Variants in B4GALT6 observed in about 807,000 individuals in gnomAD.
B4GALT6 encodes UDP-Gal:beta-GlcNAc beta-1,4-galactosyltransferase 6.
In B4GALT6, 14 loss-of-function variants were observed where a neutral mutation model predicts 46.3. The observed-to-expected ratio is 0.30, with a 90% CI of 0.20 to 0.47. The LOEUF (loss-of-function observed/expected upper bound fraction) is 0.47. Among genes scored for constraint, B4GALT6 ranks in the 20% least tolerant of loss-of-function variants. The probability of loss-of-function intolerance (pLI) is 0.99; values close to 1 mark genes in which losing one functional copy is unlikely to be tolerated. For synonymous variants in B4GALT6, 168 were observed against 162.0 expected, an observed-to-expected ratio of 1.04 and a Z score of -0.28; for missense variants, 386 against 480.1, an observed-to-expected ratio of 0.80 and a Z score of 1.83.
chr18:31,651,914 G>A lies in B4GALT6; in HGVS notation c.346+6062C>T, dbSNP rs145320359. On this transcript the variant is annotated intron_variant, in intron 3 of 8. Transcript: ENST00000306851. ...GCCTCCCCAGTAGCTGGGACTTCAG[G>A]CGCCCGCCACCACGCCCAGCTAATT... Among the ~76,000 whole-genome samples, 376 of 152,206 alleles carry A rather than the reference G, an allele frequency of 2.5e-3. 3 individuals carry two copies. The highest frequency in any genetic ancestry group is 8.5e-3 in the African/African-American group (352 of 41,518).
chr18:31,723,022 A>C, the B4GALT6 span, among the ~76,000 whole-genome samples: 10 of 152,368 alleles, frequency 6.6e-5, no homozygotes, highest in East Asian at 1.9e-3. Context: ...CAGAAAAGAC[A>C]TGTTTTCACT....
At chr18:31,707,252 A>G in the B4GALT6 span, among the ~76,000 whole-genome samples, 4 of 134,528 alleles carry the variant, frequency 3.0e-5, no homozygotes, top group Non-Finnish European at 6.3e-5. Flanking sequence ...TTTTTTTAAC[A>G]TTTAATGACT....
At chr18:31,710,792 TCTA>T in the B4GALT6 span, among the ~76,000 whole-genome samples, 1 of 134,344 alleles carries the variant, frequency 7.4e-6, no homozygotes, top group Non-Finnish European at 1.7e-5. Context: ...AAAATACTAA[TCTA>T]CTCAGTTTCC....
At chr18:31,712,287 ATT>A in the B4GALT6 span, among the ~76,000 whole-genome samples, 3 of 84,626 alleles carry the variant, frequency 3.5e-5, no homozygotes, top group East Asian at 3.7e-4. Flanking sequence ...CTGGGACGTT[ATT>A]TTTTTTTTTT....
chr18:31,706,089 T>C, the B4GALT6 span, among the ~76,000 whole-genome samples: 1 of 152,264 alleles, frequency 6.6e-6, no homozygotes, highest in African/African-American at 2.4e-5. Flanking sequence ...ACATAGTAAA[T>C]GTTCAATAAA....
upstream of B4GALT6, among the ~76,000 whole-genome samples, chr18:31,688,755 A>G (rs2030012958): frequency 6.6e-6 from 1 of 152,152 alleles, no homozygotes; most frequent in Admixed American, 6.6e-5. Flanking sequence ...AGGAAGCCAA[A>G]GCTCGGGAGG....
chr18:31,702,873 A>AG, the B4GALT6 span, among the ~76,000 whole-genome samples: 1 of 152,124 alleles, frequency 6.6e-6, no homozygotes, highest in Non-Finnish European at 1.5e-5. Context: ...GTGGATATGG[A>AG]GGGGAAATGG....
chr18:31,693,162 A>C, the B4GALT6 span, among the ~76,000 whole-genome samples: 1 of 152,214 alleles, frequency 6.6e-6, no homozygotes, highest in Non-Finnish European at 1.5e-5. Flanking sequence ...TTGGAAGTCA[A>C]TGCATATAAA....
At chr18:31,646,362 A>G (rs2073991219) in intron 3 of B4GALT6, among the ~76,000 whole-genome samples, 1 of 152,228 alleles carries the variant, frequency 6.6e-6, no homozygotes, top group African/African-American at 2.4e-5. Context: ...CGTTAACCCC[A>G]AAAGAGAACT....
At chr18:31,714,345 T>C in the B4GALT6 span, among the ~76,000 whole-genome samples, 1 of 152,152 alleles carries the variant, frequency 6.6e-6, no homozygotes, top group Non-Finnish European at 1.5e-5. Flanking sequence ...CAGCTTGCAC[T>C]AGAACGCTAA....
chr18:31,703,303 G>T, the B4GALT6 span, among the ~76,000 whole-genome samples: 1 of 152,152 alleles, frequency 6.6e-6, no homozygotes, highest in East Asian at 1.9e-4. Context: ...CAGAAAATGT[G>T]GGGTAGCTGG....
chr18:31,714,351 G>A, the B4GALT6 span, among the ~76,000 whole-genome samples: 4 of 152,266 alleles, frequency 2.6e-5, no homozygotes, highest in South Asian at 6.2e-4. Context: ...GCACTAGAAC[G>A]CTAAAGTTAC....
At chr18:31,689,865 A>G (rs541421507), upstream of B4GALT6, among the ~76,000 whole-genome samples, 179 of 152,168 alleles carry the variant, frequency 1.2e-3, no homozygotes, top group Non-Finnish European at 2.2e-3. Context: ...CACCTTAGGT[A>G]TTGTGCATAC....
chr18:31,635,512 A>G (rs996659762), intron 5 of B4GALT6, among the ~76,000 whole-genome samples: 2 of 152,234 alleles, frequency 1.3e-5, no homozygotes, highest in African/African-American at 4.8e-5. Flanking sequence ...ATGTTATATT[A>G]AATACCAAGC....
chr18:31,685,241 G>A (rs1009900387), upstream of B4GALT6, among the ~76,000 whole-genome samples: 1 of 150,904 alleles, frequency 6.6e-6, no homozygotes, highest in African/African-American at 2.4e-5. Context: ...CGCGCGCCCG[G>A]GGTGAGGCGC....
At chr18:31,647,469 C>G (rs1175229353) in intron 3 of B4GALT6, among the ~76,000 whole-genome samples, 1 of 152,090 alleles carries the variant, frequency 6.6e-6, no homozygotes, top group Non-Finnish European at 1.5e-5. Flanking sequence ...GGGTTGTGCA[C>G]CTCCCCCACC....
At chr18:31,643,352 G>A (rs868622541) in intron 4 of B4GALT6, among the ~76,000 whole-genome samples, 6 of 152,242 alleles carry the variant, frequency 3.9e-5, no homozygotes, top group East Asian at 1.9e-4. Context: ...AGGCTAGAGC[G>A]CAGTGGTGCG....
chr18:31,648,819 A>C (rs1029376129), intron 3 of B4GALT6, among the ~76,000 whole-genome samples: 2 of 152,214 alleles, frequency 1.3e-5, no homozygotes, highest in African/African-American at 4.8e-5. Flanking sequence ...AAGGCATATA[A>C]TCTCCAGAGA....
chr18:31,646,822 T>C (rs1002550023), intron 3 of B4GALT6, among the ~76,000 whole-genome samples: 2 of 152,166 alleles, frequency 1.3e-5, no homozygotes, highest in Non-Finnish European at 2.9e-5. Context: ...CATGCTAGAG[T>C]ATTTTACATC....
Sources: allele counts gnomAD v4.1 joint callset (sites outside exome capture counted in the v4.1 genomes callset), GRCh38; gene constraint gnomAD v4.1.1; transcripts MANE v1.5; gene names NCBI Gene and HGNC (gene_info 2026-07-23, HGNC 2026-07-21).